PDE7B: variants seen among roughly 807,000 people sequenced by gnomAD.
The protein encoded by PDE7B is 3',5'-cyclic-AMP phosphodiesterase 7B.
In PDE7B, 29 loss-of-function variants were observed where a neutral mutation model predicts 56.2. That is an observed-to-expected ratio of 0.52 (90% CI 0.38 to 0.70). The LOEUF (loss-of-function observed/expected upper bound fraction) is 0.70, where lower values mean the gene tolerates loss of function less well. PDE7B is among the 30% of genes least tolerant of loss of function. The probability of loss-of-function intolerance (pLI) is 0.00; values close to 1 mark genes in which losing one functional copy is unlikely to be tolerated. For missense variants in PDE7B, 490 were observed against 565.0 expected (o/e 0.87, Z 1.35); for synonymous variants, 197 against 196.9 (o/e 1.00, Z 0.00).
At chr6:135,947,374 T>A (rs1162502924) in intron 1 of PDE7B, 90 bp from the exon 2 acceptor site, 4 of 987,490 alleles carry the variant, frequency 4.1e-6, no homozygotes, top group Non-Finnish European at 6.5e-6. Context: ...AGTAGAATAA[T>A]GTTATGGTAA....
chr6:135,902,173 T>C (rs1160078946), intron 1 of PDE7B, among the ~76,000 whole-genome samples: 1 of 152,186 alleles, frequency 6.6e-6, no homozygotes, highest in Non-Finnish European at 1.5e-5. Flanking sequence ...CTCCATACTG[T>C]AGTTTGGGAT....
chr6:135,965,554 T>C (rs1434864357), intron 2 of PDE7B, among the ~76,000 whole-genome samples: 1 of 152,176 alleles, frequency 6.6e-6, no homozygotes, highest in Non-Finnish European at 1.5e-5. Context: ...CTCACAATCA[T>C]GGCAGAAGGC....
At chr6:136,182,966 G>A (rs1779090338) in intron 11 of PDE7B, among the ~76,000 whole-genome samples, 1 of 151,672 alleles carries the variant, frequency 6.6e-6, no homozygotes, top group South Asian at 2.1e-4. Context: ...CAGCTACTCG[G>A]GAGGCTGAAG....
chr6:135,970,140 C>T (rs770990640), intron 2 of PDE7B, among the ~76,000 whole-genome samples: 1 of 152,060 alleles, frequency 6.6e-6, no homozygotes, highest in Non-Finnish European at 1.5e-5. Context: ...TAAACAAAAT[C>T]CCTTGGGTCT....
chr6:135,961,501 T>C (rs907422446), intron 2 of PDE7B, among the ~76,000 whole-genome samples: 9 of 152,158 alleles, frequency 5.9e-5, no homozygotes, highest in African/African-American at 2.2e-4. Flanking sequence ...ATGAAGATCA[T>C]GATTATCATT....
intron 1 of PDE7B, among the ~76,000 whole-genome samples, chr6:135,855,869 C>A (rs1775017747): frequency 6.6e-6 from 1 of 152,118 alleles, no homozygotes; most frequent in Non-Finnish European, 1.5e-5. Flanking sequence ...ACCTCAGTGT[C>A]AGGAAAACTC....
chr6:135,914,891 G>C (rs532630289), intron 1 of PDE7B, among the ~76,000 whole-genome samples: 21 of 151,314 alleles, frequency 1.4e-4, no homozygotes, highest in Middle Eastern at 3.4e-3. Flanking sequence ...TCAGGAGTTC[G>C]AGACCAGCCT....
intron 2 of PDE7B, among the ~76,000 whole-genome samples, chr6:136,031,558 T>C (rs1344537838): frequency 6.6e-6 from 1 of 151,552 alleles, no homozygotes; most frequent in Non-Finnish European, 1.5e-5. Flanking sequence ...GCTAAAACGG[T>C]GAAACCCCGT....
chr6:135,899,769 T>G (rs1006903479), intron 1 of PDE7B, among the ~76,000 whole-genome samples: 1 of 152,116 alleles, frequency 6.6e-6, no homozygotes, highest in African/African-American at 2.4e-5. Context: ...AATATAGATC[T>G]TTTTGGAAGC....
chr6:136,154,950 T>C (rs113540703), intron 7 of PDE7B, among the ~76,000 whole-genome samples: 49 of 152,334 alleles, frequency 3.2e-4, no homozygotes, highest in African/African-American at 1.1e-3. Context: ...GCTGGGTGGG[T>C]GCCTCATCCC....
chr6:136,056,908 A>G (rs1776746749), intron 2 of PDE7B, among the ~76,000 whole-genome samples: 1 of 151,898 alleles, frequency 6.6e-6, no homozygotes. Flanking sequence ...ATAGCCTTCT[A>G]TTTCCCTAAG....
At chr6:136,036,714 G>A (rs1359250676) in intron 2 of PDE7B, among the ~76,000 whole-genome samples, 1 of 152,200 alleles carries the variant, frequency 6.6e-6, no homozygotes, top group Non-Finnish European at 1.5e-5. Context: ...AGCCTTGAAA[G>A]GAATGTAGAG....
intron 2 of PDE7B, among the ~76,000 whole-genome samples, chr6:135,964,019 C>A (rs999518238): frequency 5.9e-5 from 9 of 152,100 alleles, no homozygotes; most frequent in Non-Finnish European, 1.0e-4. Context: ...CAGGCTCTAT[C>A]ATCTAGTTCA....
chr6:136,086,548 G>A (rs962458313), intron 2 of PDE7B, among the ~76,000 whole-genome samples: 10 of 151,906 alleles, frequency 6.6e-5, no homozygotes, highest in Non-Finnish European at 1.2e-4. Flanking sequence ...AGCCACTTTG[G>A]CCCCATACTA....
At chr6:135,894,744 A>T (rs778523191) in intron 1 of PDE7B, among the ~76,000 whole-genome samples, 4 of 152,150 alleles carry the variant, frequency 2.6e-5, no homozygotes, top group Non-Finnish European at 5.9e-5. Context: ...CATCTTGAAC[A>T]TGTTATTTAA....
intron 1 of PDE7B, among the ~76,000 whole-genome samples, chr6:135,874,397 G>A (rs1405362466): frequency 6.6e-6 from 1 of 151,942 alleles, no homozygotes; most frequent in East Asian, 1.9e-4. Flanking sequence ...TGCCTTTTTA[G>A]CTGAACATCA....
At chr6:136,138,320 G>C (rs568307517) in intron 3 of PDE7B, among the ~76,000 whole-genome samples, 5 of 151,994 alleles carry the variant, frequency 3.3e-5, no homozygotes, top group Admixed American at 2.0e-4. Context: ...ATCAATAATT[G>C]ATTAACACAT....
At chr6:135,932,431 C>A (rs1489416516) in intron 1 of PDE7B, among the ~76,000 whole-genome samples, 1 of 151,398 alleles carries the variant, frequency 6.6e-6, no homozygotes, top group Non-Finnish European at 1.5e-5. Flanking sequence ...GATGTATACA[C>A]CTACTATTTA....
At chr6:136,147,292 T>G in intron 3 of PDE7B, 59 bp from the exon 4 acceptor site, 2 of 1,111,662 alleles carry the variant, frequency 1.8e-6, no homozygotes, top group Non-Finnish European at 1.3e-6. Context: ...TTTTACAGAG[T>G]GGAGAAAATT....
Sources: gnomAD v4.1 joint callset for allele counts (sites outside exome capture counted in the v4.1 genomes callset) on GRCh38, gnomAD v4.1.1 for gene constraint, MANE v1.5 for transcripts, NCBI Gene and HGNC (gene_info 2026-07-23, HGNC 2026-07-21) for gene names.